The following TAS2R1 variants were observed in gnomAD, a reference collection of about 807,000 sequenced individuals.
The protein encoded by TAS2R1 is taste receptor type 2 member 1.
For missense variants in TAS2R1, 370 were observed against 353.4 expected, an observed-to-expected ratio of 1.05 and a Z score of -0.38; for synonymous variants, 141 against 134.2, an observed-to-expected ratio of 1.05 and a Z score of -0.35.
intron 1 of TAS2R1, among the ~76,000 whole-genome samples, chr5:9,675,294 C>A (rs2126505820): frequency 6.6e-6 from 1 of 151,520 alleles, no homozygotes; most frequent in African/African-American, 2.4e-5. Context: ...AAAATCCCAG[C>A]AGGCTATTTT....
the TAS2R1 span, among the ~76,000 whole-genome samples, chr5:9,767,925 A>G: frequency 6.7e-6 from 1 of 149,362 alleles, no homozygotes. Context: ...CTCCGTCTCA[A>G]AAAAAAAAAA....
At chr5:9,751,186 C>G in the TAS2R1 span, among the ~76,000 whole-genome samples, 1 of 151,092 alleles carries the variant, frequency 6.6e-6, no homozygotes, top group Admixed American at 6.7e-5. Flanking sequence ...TAAAATGTTA[C>G]AAAATTGGAA....
chr5:9,788,030 G>T, the TAS2R1 span, among the ~76,000 whole-genome samples: 2 of 152,334 alleles, frequency 1.3e-5, no homozygotes. Flanking sequence ...CTGCTGGGCT[G>T]TCAACAGCCG....
the TAS2R1 span, among the ~76,000 whole-genome samples, chr5:9,862,190 A>G: frequency 9.0e-6 from 1 of 111,054 alleles, no homozygotes; most frequent in Admixed American, 9.6e-5. Context: ...AAATCAAGCA[A>G]CGTTAAGTTT....
At chr5:9,781,791 A>G in the TAS2R1 span, among the ~76,000 whole-genome samples, 1 of 152,166 alleles carries the variant, frequency 6.6e-6, no homozygotes, top group Non-Finnish European at 1.5e-5. Context: ...TGCCCTTCTC[A>G]GCAAGGCCCC....
the TAS2R1 span, among the ~76,000 whole-genome samples, chr5:9,779,163 T>C: frequency 2.0e-5 from 3 of 152,240 alleles, no homozygotes; most frequent in Non-Finnish European, 2.9e-5. Flanking sequence ...TACAAGTTCA[T>C]GTGAGATCCA....
chr5:9,677,506 CA>C, intron 1 of TAS2R1, among the ~76,000 whole-genome samples: 1 of 150,960 alleles, frequency 6.6e-6, no homozygotes, highest in East Asian at 1.9e-4. Context: ...TTCAAATGTA[CA>C]AAAAACTGAA....
chr5:9,756,288 T>A, the TAS2R1 span, among the ~76,000 whole-genome samples: 5 of 152,194 alleles, frequency 3.3e-5, no homozygotes, highest in African/African-American at 4.8e-5. Context: ...TATCTGGAGA[T>A]GACAAAGACT....
At chr5:9,665,150 A>G (rs1021160650) in intron 1 of TAS2R1, among the ~76,000 whole-genome samples, 11 of 152,286 alleles carry the variant, frequency 7.2e-5, no homozygotes, top group African/African-American at 2.4e-4. Context: ...GCAGAATTCA[A>G]CAGTGGTAGA....
At chr5:9,802,734 C>G in the TAS2R1 span, among the ~76,000 whole-genome samples, 1 of 152,058 alleles carries the variant, frequency 6.6e-6, no homozygotes, top group Non-Finnish European at 1.5e-5. Context: ...AACCCCATCT[C>G]TACTAAAAAT....
chr5:9,697,375 T>G (rs1358430244), intron 1 of TAS2R1, among the ~76,000 whole-genome samples: 1 of 152,112 alleles, frequency 6.6e-6, no homozygotes, highest in African/African-American at 2.4e-5. Flanking sequence ...TTAGTTCATA[T>G]AATAGATAAA....
chr5:9,718,987 C>A, the TAS2R1 span, among the ~76,000 whole-genome samples: 1 of 152,116 alleles, frequency 6.6e-6, no homozygotes, highest in African/African-American at 2.4e-5. Flanking sequence ...CTGAACTGAA[C>A]CCTGTACTGG....
chr5:9,859,553 C>G, the TAS2R1 span, among the ~76,000 whole-genome samples: 1 of 152,144 alleles, frequency 6.6e-6, no homozygotes, highest in Non-Finnish European at 1.5e-5. Context: ...TCTGCTCTTG[C>G]AAGTCATAGA....
intron 1 of TAS2R1, among the ~76,000 whole-genome samples, chr5:9,708,245 T>A (rs1741662399): frequency 6.6e-6 from 1 of 152,202 alleles, no homozygotes; most frequent in South Asian, 2.1e-4. Flanking sequence ...ATCCTAGCGA[T>A]GGCAGGCCCT....
At chr5:9,762,332 T>C in the TAS2R1 span, among the ~76,000 whole-genome samples, 1 of 152,204 alleles carries the variant, frequency 6.6e-6, no homozygotes, top group East Asian at 1.9e-4. Context: ...CAGGATATTG[T>C]ACCTTTTATA....
chr5:9,732,008 A>T, the TAS2R1 span, among the ~76,000 whole-genome samples: 1 of 152,228 alleles, frequency 6.6e-6, no homozygotes. Flanking sequence ...ATTGCAAGAG[A>T]GATACAAACA....
the TAS2R1 span, among the ~76,000 whole-genome samples, chr5:9,824,459 CT>C: frequency 1.4e-4 from 22 of 152,282 alleles, no homozygotes; most frequent in African/African-American, 5.1e-4. Context: ...ATATTCTATC[CT>C]TTGCATTTCC....
At chr5:9,705,865 C>T (rs186705270) in intron 1 of TAS2R1, among the ~76,000 whole-genome samples, 3 of 151,790 alleles carry the variant, frequency 2.0e-5, no homozygotes, top group African/African-American at 7.3e-5. Flanking sequence ...TCCATCCCCC[C>T]CCAAAAAAAG....
At chr5:9,804,293 G>T in the TAS2R1 span, among the ~76,000 whole-genome samples, 1 of 152,060 alleles carries the variant, frequency 6.6e-6, no homozygotes, top group East Asian at 1.9e-4. Flanking sequence ...CATAATAACA[G>T]TGGGGGACTT....
Sources: gnomAD v4.1 joint callset for allele counts (sites outside exome capture counted in the v4.1 genomes callset) on GRCh38, gnomAD v4.1.1 for gene constraint, MANE v1.5 for transcripts, NCBI Gene and HGNC (gene_info 2026-07-23, HGNC 2026-07-21) for gene names.